Variants in NRDC observed in about 807,000 individuals in gnomAD.
NRDC encodes the protein nardilysin.
Under a neutral mutation model 147.1 loss-of-function variants are expected in NRDC, and 54 were observed. That is an observed-to-expected ratio of 0.37 (90% CI 0.29 to 0.46). The LOEUF (loss-of-function observed/expected upper bound fraction) is 0.46. Among genes scored for constraint, NRDC ranks in the 20% least tolerant of loss-of-function variants. The pLI, the probability that NRDC is intolerant of heterozygous loss-of-function variation, is 1.00. For synonymous variants in NRDC, 440 were observed against 482.1 expected (o/e 0.91, Z 1.14); for missense variants, 1,082 against 1,370.6 (o/e 0.79, Z 3.33).
intron 1 of NRDC, among the ~76,000 whole-genome samples, chr1:51,866,693 C>CAA (rs77465646): frequency 4.5e-5 from 6 of 132,460 alleles, no homozygotes; most frequent in African/African-American, 1.1e-4. Flanking sequence ...AATGTTAAAC[C>CAA]AAAAAAAAAA....
rs753528617 is a variant in NRDC, at chr1:51,840,293, G to A, written c.563C>T (p.Thr188Ile). The A allele has an allele frequency of 6.9e-6, 11 of 1,596,894 alleles. No homozygotes were observed. The highest frequency in any genetic ancestry group is 9.4e-6 in the Non-Finnish European group (11 of 1,164,732). ...FDDEHDDDLD[T>I]EDNELEELEE... The stretch of plus-strand genomic sequence containing the variant: ...TAATTCTTCCAATTCATTATCCTCA[G>A]TATCAAGATCATCATCATGTTCATC... The change falls in exon 2 of 31, where the codon ACT (threonine) becomes ATT (isoleucine). Residue 188 changes from threonine to isoleucine, a missense_variant. Around this residue, in one of 3 missense-constraint regions of NRDC, gnomAD observed 260 missense variants for 253.2 expected, o/e 1.03. Coordinates refer to ENST00000352171, the MANE Select transcript of NRDC (RefSeq NM_001101662.2).
chr1:51,853,224 A>ATATAT (rs891037272), intron 1 of NRDC, among the ~76,000 whole-genome samples: 1 of 148,602 alleles, frequency 6.7e-6, no homozygotes, highest in Non-Finnish European at 1.5e-5. Flanking sequence ...TCCAAAAAAA[A>ATATAT]ATATATATAT....
intron 1 of NRDC, among the ~76,000 whole-genome samples, chr1:51,871,517 A>T (rs1174703308): frequency 7.1e-4 from 12 of 16,922 alleles, no homozygotes; most frequent in Non-Finnish European, 2.1e-3. Flanking sequence ...TGGTTCATTA[A>T]AAAAAAAAAA....
In NRDC at chr1:51,810,423, G is replaced by A; in HGVS notation, c.1780-19C>T. 3 of 1,604,148 alleles carry A rather than the reference G, an allele frequency of 1.9e-6. No homozygotes were observed. The highest frequency in any genetic ancestry group is 2.6e-6 in the Non-Finnish European group (3 of 1,175,972). Reference sequence around the variant, plus strand: ...CAATGACCTAGTAAAGTGGGAAGAGGGGAAAGAGATACACACAATTTTAAC... The same window carrying A: ...CAATGACCTAGTAAAGTGGGAAGAGAGGAAAGAGATACACACAATTTTAAC... On this transcript the variant is annotated intron_variant, in intron 15 of 30. Coordinates refer to ENST00000352171, the MANE Select transcript of NRDC (RefSeq NM_001101662.2).
chr1:51,874,756 C>G (rs1683244349), intron 1 of NRDC, among the ~76,000 whole-genome samples: 1 of 152,178 alleles, frequency 6.6e-6, no homozygotes, highest in Admixed American at 6.5e-5. Flanking sequence ...GGAATCAATA[C>G]TTGGTAAGCA....
intron 1 of NRDC, among the ~76,000 whole-genome samples, chr1:51,849,724 G>C (rs1388401630): frequency 6.6e-6 from 1 of 151,714 alleles, no homozygotes; most frequent in Non-Finnish European, 1.5e-5. Context: ...GCTGAGGCAG[G>C]AGAATGGTGT....
At chr1:51,872,123 A>G (rs941629514) in intron 1 of NRDC, among the ~76,000 whole-genome samples, 2 of 152,144 alleles carry the variant, frequency 1.3e-5, no homozygotes, top group Non-Finnish European at 2.9e-5. Context: ...CACCAGCCTC[A>G]GCCTCCCAAA....
chr1:51,790,848 A>G (rs1678597189), intron 28 of NRDC, 52 bp downstream of exon 28: 4 of 1,460,596 alleles, frequency 2.7e-6, no homozygotes, highest in East Asian at 2.3e-5. Context: ...TAAGATTTGT[A>G]TCTGGGGGCT....
At chr1:51,794,752 A>G (rs1277918238) in intron 23 of NRDC, 71 bp downstream of exon 23, 5 of 1,597,730 alleles carry the variant, frequency 3.1e-6, no homozygotes, top group Non-Finnish European at 4.3e-6. Context: ...GTAACAATTA[A>G]CTGAATTGTG....
At chr1:51,852,791 C>A (rs1200103151) in intron 1 of NRDC, among the ~76,000 whole-genome samples, 3 of 151,866 alleles carry the variant, frequency 2.0e-5, no homozygotes. Context: ...ATTAAAAGGG[C>A]AATTTTATAA....
intron 1 of NRDC, among the ~76,000 whole-genome samples, chr1:51,861,778 G>A (rs1682556404): frequency 6.6e-6 from 1 of 152,196 alleles, no homozygotes; most frequent in Non-Finnish European, 1.5e-5. Context: ...TCTCAGGATT[G>A]ATTATGGGTT....
At position 51,789,452 on chromosome 1, in the gene NRDC, A is replaced by G; in HGVS notation, c.3259-19T>C. 1 of 1,613,234 alleles carries G rather than the reference A, an allele frequency of 6.2e-7. No individual in the cohort carries two copies. Among genetic ancestry groups the G allele is most frequent in the Non-Finnish European group, 8.5e-7 (1 of 1,179,200 alleles). Reference sequence around the variant, plus strand: ...CAACAACCTGAAAGAGGACAAAGACAAAAGTGAAAAATATGCTGACCAGAT... The same window carrying G: ...CAACAACCTGAAAGAGGACAAAGACGAAAGTGAAAAATATGCTGACCAGAT... On this transcript the variant is annotated intron_variant, in intron 30 of 30. Transcript: ENST00000352171.
At chr1:51,872,685 C>G (rs962382832) in intron 1 of NRDC, among the ~76,000 whole-genome samples, 3 of 152,204 alleles carry the variant, frequency 2.0e-5, no homozygotes, top group Non-Finnish European at 2.9e-5. Flanking sequence ...GCCTGGGTGA[C>G]AGACCCAGAC....
chr1:51,812,893 C>T (rs921625617), intron 14 of NRDC, among the ~76,000 whole-genome samples: 2 of 134,716 alleles, frequency 1.5e-5, no homozygotes, highest in African/African-American at 5.5e-5. Flanking sequence ...ACCTGGGAGG[C>T]GGAGGTTGCA....
chr1:51,841,219 T>A (rs1681250226), intron 1 of NRDC, among the ~76,000 whole-genome samples: 1 of 152,022 alleles, frequency 6.6e-6, no homozygotes, highest in African/African-American at 2.4e-5. Context: ...TGTGCCACCA[T>A]CTCAAGCTCC....
At chr1:51,816,283 C>T in intron 11 of NRDC, 29 bp downstream of exon 11, 2 of 1,462,252 alleles carry the variant, frequency 1.4e-6, no homozygotes, top group East Asian at 2.3e-5. Flanking sequence ...GATTGCTATA[C>T]TGAAAATACT....
intron 1 of NRDC, among the ~76,000 whole-genome samples, chr1:51,846,844 G>A (rs1681647922): frequency 6.6e-6 from 1 of 152,228 alleles, no homozygotes; most frequent in African/African-American, 2.4e-5. Context: ...GTTCTACAGA[G>A]AGCTGATTGG....
intron 1 of NRDC, among the ~76,000 whole-genome samples, chr1:51,855,104 C>G (rs79938136): frequency 6.6e-6 from 1 of 152,342 alleles, no homozygotes; most frequent in African/African-American, 2.4e-5. Flanking sequence ...CTATACACCA[C>G]TGCTTCAAGA....
intron 7 of NRDC, 138 bp downstream of exon 7, chr1:51,823,526 C>A: frequency 1.6e-6 from 1 of 634,018 alleles, no homozygotes; most frequent in Middle Eastern, 4.2e-4. Flanking sequence ...GTGACATCTC[C>A]AAGTTCTGAT....
Sources: gnomAD v4.1 joint callset for allele counts (sites outside exome capture counted in the v4.1 genomes callset) on GRCh38, gnomAD v4.1.1 for gene constraint, gnomAD v4.1.1 regional missense constraint, MANE v1.5 for transcripts, NCBI Gene and HGNC (gene_info 2026-07-23, HGNC 2026-07-21) for gene names.